PFKP: variants seen among roughly 807,000 people sequenced by gnomAD.
PFKP encodes the protein ATP-dependent 6-phosphofructokinase, platelet type.
PFKP carries 101 observed loss-of-function variants against 94.3 expected under a neutral mutation model. The ratio of observed to expected loss-of-function variants is 1.07; its 90% CI spans 0.91 to 1.26. The LOEUF is 1.26. Among genes scored for constraint, PFKP ranks in the 50% most tolerant of loss-of-function variants. The probability of loss-of-function intolerance (pLI) is 0.00; values close to 1 mark genes in which losing one functional copy is unlikely to be tolerated. For synonymous variants in PFKP, 573 were observed against 432.6 expected, an observed-to-expected ratio of 1.32 and a Z score of -4.03; for missense variants, 1,145 against 1,103.3, an observed-to-expected ratio of 1.04 and a Z score of -0.53.
At chr10:3,088,344 G>A in intron 2 of PFKP, among the ~76,000 whole-genome samples, 1 of 152,102 alleles carries the variant, frequency 6.6e-6, no homozygotes, top group East Asian at 1.9e-4. Flanking sequence ...TTTAATGGCT[G>A]CATGGTATTC....
At position 3,132,362 on chromosome 10, in the gene PFKP, C is replaced by T. The variant is rs76325884; in HGVS notation, c.1849-18C>T. 3.6e-4 allele frequency: 577 copies of T among 1,591,162 alleles called. 4 individuals carry two copies. In the East Asian group the frequency reaches 0.011, roughly 29 times the overall value. On this transcript the variant is annotated intron_variant, in intron 17 of 21. Coordinates refer to ENST00000381125, the MANE Select transcript of PFKP (RefSeq NM_002627.5). ...TAGTAGAAGTTTATTGTCTGATTAA[C>T]AAAATACTCTCTTCCAGTCCAACGT...
chr10:3,068,650 T>C, intron 1 of PFKP: 1 of 984,856 alleles, frequency 1.0e-6, no homozygotes, highest in African/African-American at 1.7e-5. Flanking sequence ...GAGCGGAAGG[T>C]GGCGGAGACT....
chr10:3,117,794 G>C (rs367773387), intron 14 of PFKP, among the ~76,000 whole-genome samples: 4 of 152,198 alleles, frequency 2.6e-5, no homozygotes, highest in African/African-American at 4.8e-5. Context: ...CGTTGCTCTC[G>C]AACGTAGAGA....
chr10:3,134,820 CAGTTCTTTTGTGCAG>C (rs1839038100), intron 20 of PFKP, among the ~76,000 whole-genome samples: 1 of 152,244 alleles, frequency 6.6e-6, no homozygotes, highest in Non-Finnish European at 1.5e-5. Flanking sequence ...ATGCAGTCTG[CAGTTCTTTTGTGCAG>C]GCTTTTTGCT....
rs755186984 is a variant in PFKP, at chr10:3,132,445, A to G, written c.1910+4A>G. On this transcript the variant is annotated splice_donor_region_variant and intron_variant, in intron 18 of 21. Transcript: ENST00000381125. ...TCCAGAGAGGCCTTGTGCTCAGGTG[A>G]GAGAGAGAGACCAGGGGCTGATCTT... is the stretch of plus-strand genomic sequence containing the variant. 6 of 1,559,564 alleles carry G rather than the reference A, an allele frequency of 3.8e-6. No individual in the cohort carries two copies. Among genetic ancestry groups the G allele is most frequent in the African/African-American group, 2.7e-5 (2 of 73,660 alleles).
At chr10:3,077,942 A>T (rs1044003793) in intron 1 of PFKP, among the ~76,000 whole-genome samples, 3 of 152,210 alleles carry the variant, frequency 2.0e-5, no homozygotes, top group African/African-American at 7.2e-5. Context: ...GGATTTTTGC[A>T]AATTACGAAG....
At position 3,136,594 on chromosome 10, in the gene PFKP, C is replaced by T; in HGVS notation, c.*15C>T. 3.7e-6 allele frequency: 6 copies of T among 1,612,428 alleles called. No homozygotes were observed. The South Asian group carries it at 6.6e-5, about 18-fold the overall frequency. ...GGAGTGTCTGACCCAGTCCCGCCTGCATGTGCCTGCAGCCACCGTGGACTG... is the reference window on the plus strand; with the variant it reads ...GGAGTGTCTGACCCAGTCCCGCCTGTATGTGCCTGCAGCCACCGTGGACTG... On this transcript the variant is annotated 3_prime_UTR_variant, in exon 22 of 22. Transcript: ENST00000381125.
At chr10:3,115,234 C>T (rs187959068) in intron 13 of PFKP, among the ~76,000 whole-genome samples, 9 of 146,420 alleles carry the variant, frequency 6.1e-5, no homozygotes, top group East Asian at 3.9e-4. Flanking sequence ...GTGTGTCCCA[C>T]GGCCGAGGAC....
At position 3,136,723 on chromosome 10, in the gene PFKP, C is replaced by T. The variant is rs541; in HGVS notation, c.*144C>T. 194,829 of 740,256 alleles carry T rather than the reference C, an allele frequency of 0.26. 27,798 individuals are homozygous for T. Among genetic ancestry groups the T allele is most frequent in the Non-Finnish European group, 0.3 (136,192 of 451,522 alleles). 45.9% of individuals were successfully genotyped at this position (740,256 alleles called of 1,614,324 possible). ...CCCATCTGCCCCACCTGCTCCAGTG[C>T]GTGCTGTCTGTGGAGTGTGTCTCAT... On this transcript the variant is annotated 3_prime_UTR_variant, in exon 22 of 22. Transcript: ENST00000381125.
intron 2 of PFKP, among the ~76,000 whole-genome samples, chr10:3,088,443 AAC>A (rs1478691284): frequency 1.3e-5 from 2 of 152,082 alleles, no homozygotes; most frequent in Non-Finnish European, 2.9e-5. Context: ...TAAGATAGAA[AAC>A]ACACTAAAAT....
chr10:3,106,688 T>TGCCCCTGCCCCTTC lies in PFKP; in HGVS notation c.775-526_775-525insGCCCCTGCCCCTTC, dbSNP rs1564309778. ...TCACCCCTGCCCCTGTCCTCACCCCTACCCCTGTCCTCACCCCTGCCCCTC... is the reference window on the plus strand; with the variant it reads ...TCACCCCTGCCCCTGTCCTCACCCCTGCCCCTGCCCCTTCACCCCTGTCCTCACCCCTGCCCCTC... On this transcript the variant is annotated intron_variant, in intron 7 of 21. Transcript: ENST00000381125. 1.9e-4 allele frequency among the ~76,000 whole-genome samples: 2 copies of TGCCCCTGCCCCTTC among 10,420 alleles called. 1 individual carries two copies. 6.8% of individuals were successfully genotyped at this position (10,420 alleles called of 152,430 possible).
intron 3 of PFKP, chr10:3,100,857 T>C: frequency 2.4e-6 from 1 of 414,854 alleles, no homozygotes; most frequent in Non-Finnish European, 4.1e-6. Context: ...AGCGAGTATG[T>C]GGTGCAAAAA....
At chr10:3,106,010 G>A (rs889121185) in intron 7 of PFKP, among the ~76,000 whole-genome samples, 6 of 152,204 alleles carry the variant, frequency 3.9e-5, no homozygotes, top group African/African-American at 1.4e-4. Flanking sequence ...GGCCTTTCGG[G>A]TGCAGCTGCA....
chr10:3,118,954 T>C, intron 15 of PFKP, 85 bp downstream of exon 15: 1 of 1,006,474 alleles, frequency 9.9e-7, no homozygotes, highest in Non-Finnish European at 1.5e-6. Context: ...TGTTGGCTAC[T>C]GGCCACGATC....
chr10:3,101,512 CGGAAGGAGT>C lies in PFKP; in HGVS notation c.416_424del (p.Lys139_Trp141del). 1 of 1,587,726 alleles carries C rather than the reference CGGAAGGAGT, an allele frequency of 6.3e-7. No homozygotes were observed. Among genetic ancestry groups the C allele is most frequent in the East Asian group, 2.3e-5 (1 of 44,394 alleles). ...GAGCCTCACCGGGGCCAACCTCTTC[CGGAAGGAGT>C]GGAGTGGGCTGCTGGAGGAGCTGGC... On this transcript the variant is annotated inframe_deletion, in exon 4 of 22. Transcript: ENST00000381125.
At chr10:3,090,669 G>A (rs1170107094) in intron 2 of PFKP, among the ~76,000 whole-genome samples, 1 of 151,936 alleles carries the variant, frequency 6.6e-6, no homozygotes, top group Non-Finnish European at 1.5e-5. Flanking sequence ...TGACTCTCAG[G>A]ATGCGGAGCA....
chr10:3,117,330 G>C (rs1427864889), intron 14 of PFKP, among the ~76,000 whole-genome samples: 3 of 152,192 alleles, frequency 2.0e-5, no homozygotes, highest in Non-Finnish European at 4.4e-5. Context: ...CAGACCTACA[G>C]TAAGCCTGGC....
intron 10 of PFKP, among the ~76,000 whole-genome samples, chr10:3,111,593 A>T (rs1836241115): frequency 1.3e-5 from 2 of 152,138 alleles, no homozygotes; most frequent in Non-Finnish European, 2.9e-5. Flanking sequence ...AGGGTCTGAC[A>T]TGCTTGAATA....
chr10:3,106,604 TCCTCACCCCTGCCACTGCC>T (rs1404085030), intron 7 of PFKP, among the ~76,000 whole-genome samples: 5 of 58,296 alleles, frequency 8.6e-5, no homozygotes, highest in Admixed American at 1.9e-4. Context: ...CCTGCCCCTC[TCCTCACCCCTGCCACTGCC>T]CCTTCACCCC....
Sources: gnomAD v4.1 joint callset for allele counts (sites outside exome capture counted in the v4.1 genomes callset) on GRCh38, gnomAD v4.1.1 for gene constraint, MANE v1.5 for transcripts, NCBI Gene and HGNC (gene_info 2026-07-23, HGNC 2026-07-21) for gene names.